STARD9: variants seen among roughly 807,000 people sequenced by gnomAD.
The protein encoded by STARD9 is stAR-related lipid transfer protein 9.
In STARD9, 346 loss-of-function variants were observed where a neutral mutation model predicts 399.8. The ratio of observed to expected loss-of-function variants is 0.87; its 90% confidence interval spans 0.79 to 0.95. STARD9 has a LOEUF of 0.95. STARD9 is among the 40% of genes least tolerant of loss of function. STARD9 has a pLI of 0.00. For missense variants in STARD9, 5,832 were observed against 5,667.5 expected (o/e 1.03, Z -0.93); for synonymous variants, 2,203 against 2,143.5 (o/e 1.03, Z -0.77).
At position 42,693,690 on chromosome 15, in the gene STARD9, TC is replaced by T; in HGVS notation, c.12116del (p.Pro4039ArgfsTer6). 6.5e-7 allele frequency: 1 copy of T among 1,537,116 alleles called. No homozygotes were observed. The highest frequency in any genetic ancestry group is 8.7e-7 in the Non-Finnish European group (1 of 1,146,912). ...GNSFVPEKVASPEHCPLSGRE... is the reference protein window; with the variant it reads ...GNSFVPEKVAXPEHCPLSGRE... ...CAGCTTTGTGCCTGAGAAGGTGGCTTCCCCGGAGCATTGCCCACTGAGCGGT... is the reference window on the plus strand; with the variant it reads ...CAGCTTTGTGCCTGAGAAGGTGGCTTCCCGGAGCATTGCCCACTGAGCGGT... On this transcript the variant is annotated frameshift_variant, in exon 23 of 33. Coordinates refer to ENST00000290607, the MANE Select transcript of STARD9 (RefSeq NM_020759.3). LOFTEE classifies it high-confidence loss of function.
At chr15:42,710,228 T>G (rs1172853351) in intron 26 of STARD9, among the ~76,000 whole-genome samples, 2 of 150,652 alleles carry the variant, frequency 1.3e-5, no homozygotes, top group Non-Finnish European at 2.9e-5. Flanking sequence ...CCCGGGTACT[T>G]TTGTATTTTT....
chr15:42,710,883 C>T (rs2061200945), intron 26 of STARD9, among the ~76,000 whole-genome samples: 1 of 140,454 alleles, frequency 7.1e-6, no homozygotes, highest in Non-Finnish European at 1.5e-5. Context: ...CTTGCTCTCA[C>T]TTGTGCGCTC....
intron 7 of STARD9, among the ~76,000 whole-genome samples, chr15:42,646,556 A>G (rs1182071151): frequency 6.6e-6 from 1 of 152,204 alleles, no homozygotes; most frequent in African/African-American, 2.4e-5. Flanking sequence ...CTCAGCCTTC[A>G]TAGCATTGAA....
chr15:42,585,307 A>G (rs1566851474), intron 2 of STARD9, among the ~76,000 whole-genome samples: 1 of 152,232 alleles, frequency 6.6e-6, no homozygotes, highest in Non-Finnish European at 1.5e-5. Context: ...GTAGGCAGAT[A>G]TATGATAGAA....
At chr15:42,703,622 C>T (rs545045930) in intron 26 of STARD9, among the ~76,000 whole-genome samples, 5 of 152,010 alleles carry the variant, frequency 3.3e-5, no homozygotes, top group East Asian at 1.9e-4. Context: ...ATCCACCCAC[C>T]TCGGCCTCCC....
chr15:42,613,663 T>C (rs1233006153), intron 3 of STARD9, among the ~76,000 whole-genome samples: 1 of 152,164 alleles, frequency 6.6e-6, no homozygotes, highest in African/African-American at 2.4e-5. Flanking sequence ...ACTTCTCTGA[T>C]ACCATATCAA....
At chr15:42,654,618 G>C (rs953960875) in intron 9 of STARD9, among the ~76,000 whole-genome samples, 3 of 152,066 alleles carry the variant, frequency 2.0e-5, no homozygotes, top group African/African-American at 7.2e-5. Flanking sequence ...TGAATCAGTA[G>C]CTGTGCTATA....
At chr15:42,640,083 G>A (rs886404360) in intron 7 of STARD9, among the ~76,000 whole-genome samples, 2 of 152,116 alleles carry the variant, frequency 1.3e-5, no homozygotes, top group African/African-American at 4.8e-5. Flanking sequence ...CTAGGCAGCG[G>A]ATTTTTAAAT....
chr15:42,662,873 A>G lies in STARD9; in HGVS notation c.850A>G (p.Ile284Val). ...NINKSLVTLG[I>V]VISTLAQNSQ... ...CAACAAGTCCCTTGTGACTCTAGGA[A>G]TTGTCATCTCCACCTTAGGTATTTT... Residue 284 changes from isoleucine to valine, a missense_variant, in exon 11 of 33, where the codon ATT (isoleucine) becomes GTT (valine). Ile to Val is a conservative substitution (Grantham distance 29). Transcript: ENST00000290607. 6.5e-7 allele frequency: 1 copy of G among 1,536,322 alleles called. No homozygotes were observed. The highest frequency in any genetic ancestry group is 8.7e-7 in the Non-Finnish European group (1 of 1,145,930).
At chr15:42,701,083 T>C (rs2060953794) in intron 26 of STARD9, among the ~76,000 whole-genome samples, 1 of 152,190 alleles carries the variant, frequency 6.6e-6, no homozygotes, top group Admixed American at 6.5e-5. Context: ...TGTGGATTTC[T>C]GTGTTCTTTG....
At position 42,692,858 on chromosome 15, in the gene STARD9, C is replaced by T. The variant is rs1381517313; in HGVS notation, c.11280C>T (p.Ile3760=). The change falls in exon 23 of 33, where the codon ATC becomes ATT. Residue 3760 remains isoleucine (I), a synonymous_variant. Transcript: ENST00000290607. ...CTGAACCTCAGGGAGCCAATGTGAT[C>T]CTTGAAGGGCTAGGCTCAGATACCT... ...SEAEPQGANV[I]LEGLGSDTST... 2 of 1,537,238 alleles carry T rather than the reference C, an allele frequency of 1.3e-6. No individual in the cohort carries two copies. The highest frequency in any genetic ancestry group is 1.7e-4 in the Middle Eastern group (1 of 5,990).
rs2060619284 is a variant in STARD9, at chr15:42,688,708, G to C, written c.7130G>C (p.Gly2377Ala). The C allele has an allele frequency of 2.6e-6, 4 of 1,537,634 alleles. No individual in the cohort carries two copies. In the South Asian group the frequency reaches 3.6e-5, roughly 14 times the overall value. ...ATTCATAACAGTCCCTTGGTAACTG[G>C]AGTAGAGCATCAGGACCAGAGTACG... ...LKIHNSPLVTGVEHQDQSTET... is the reference protein window; with the variant it reads ...LKIHNSPLVTAVEHQDQSTET... Residue 2377 changes from glycine (G) to alanine (A), a missense_variant, in exon 23 of 33, where the codon GGA (glycine) becomes GCA (alanine). Coordinates refer to ENST00000290607, the MANE Select transcript of STARD9 (RefSeq NM_020759.3).
chr15:42,707,533 G>C (rs563079941), intron 26 of STARD9, among the ~76,000 whole-genome samples: 2 of 148,396 alleles, frequency 1.3e-5, no homozygotes, highest in African/African-American at 5.0e-5. Context: ...GCAGTGGCAC[G>C]ATCTCGGCTC....
chr15:42,590,916 C>CA (rs898980855), intron 3 of STARD9, among the ~76,000 whole-genome samples: 2 of 152,176 alleles, frequency 1.3e-5, no homozygotes, highest in Non-Finnish European at 1.5e-5. Context: ...CAGCAGGCCC[C>CA]AGCTCCAACA....
intron 19 of STARD9, 58 bp downstream of exon 19, chr15:42,675,804 T>A (rs1465470522): frequency 4.6e-6 from 7 of 1,534,432 alleles, no homozygotes; most frequent in Non-Finnish European, 6.1e-6. Flanking sequence ...ACCTTTTAGA[T>A]GAAAAGCCAA....
chr15:42,682,286 C>T lies in STARD9; in HGVS notation c.2248C>T (p.Leu750Phe). ...TCAGAAAAGGGTGGTGCACCTGCAG[C>T]TCCTGCGGAGACACACTCTTCGGGC... ...QSQKRVVHLQ[L>F]LRRHTLRAAE... Residue 750 changes from leucine (L) to phenylalanine (F), a missense_variant, in exon 22 of 33, where the codon CTC becomes TTC. By Grantham distance (22) the Leu-to-Phe change is conservative. Transcript: ENST00000290607. 1 of 1,537,280 alleles carries T rather than the reference C, an allele frequency of 6.5e-7. No individual in the cohort carries two copies. The highest frequency in any genetic ancestry group is 8.7e-7 in the Non-Finnish European group (1 of 1,146,916).
At chr15:42,711,498 G>A (rs754112264) in intron 26 of STARD9, among the ~76,000 whole-genome samples, 1 of 152,174 alleles carries the variant, frequency 6.6e-6, no homozygotes, top group Non-Finnish European at 1.5e-5. Flanking sequence ...CTCTAATCCA[G>A]TACTATCTTA....
chr15:42,610,240 G>A (rs1033321951), intron 3 of STARD9, among the ~76,000 whole-genome samples: 3 of 152,152 alleles, frequency 2.0e-5, no homozygotes, highest in African/African-American at 7.2e-5. Flanking sequence ...CTGCTGCTAG[G>A]ATTTCACTTC....
At chr15:42,702,353 A>C (rs572525581) in intron 26 of STARD9, among the ~76,000 whole-genome samples, 3 of 151,870 alleles carry the variant, frequency 2.0e-5, no homozygotes, top group Non-Finnish European at 4.4e-5. Flanking sequence ...ACAGGCGCGC[A>C]CCACCATGCC....
Sources: gnomAD v4.1 joint callset for allele counts (sites outside exome capture counted in the v4.1 genomes callset) on GRCh38, gnomAD v4.1.1 for gene constraint, MANE v1.5 for transcripts, NCBI Gene and HGNC (gene_info 2026-07-23, HGNC 2026-07-21) for gene names.